SPRR2F: variants seen among roughly 807,000 people sequenced by gnomAD.
The protein encoded by SPRR2F is small proline rich protein 2F, also known as small proline-rich protein 2F.
Under a neutral mutation model 0.8 loss-of-function variants are expected in SPRR2F, and 2 were observed. The ratio of observed to expected loss-of-function variants is 2.52; its 90% confidence interval spans 1.03 to 7.95. SPRR2F has a LOEUF of 7.95. SPRR2F is among the 30% of genes most tolerant of loss of function. The pLI, the probability that SPRR2F is intolerant of heterozygous loss-of-function variation, is 0.04. For synonymous variants in SPRR2F, 39 were observed against 33.4 expected (o/e 1.17, Z -0.58); for missense variants, 80 against 85.8 (o/e 0.93, Z 0.27).
chr1:153,117,227 C>T (rs1228043985), upstream of SPRR2F, among the ~76,000 whole-genome samples: 1 of 151,944 alleles, frequency 6.6e-6, no homozygotes, highest in Non-Finnish European at 1.5e-5. Context: ...GACACTTACT[C>T]TTATGTGGTG....
At chr1:153,116,288 T>C (rs1655721499), upstream of SPRR2F, among the ~76,000 whole-genome samples, 1 of 152,212 alleles carries the variant, frequency 6.6e-6, no homozygotes, top group Admixed American at 6.5e-5. Flanking sequence ...AGTAAAAGCA[T>C]ATATAAAGCA....
At chr1:153,114,578 A>G (rs1271790920), upstream of SPRR2F, among the ~76,000 whole-genome samples, 1 of 152,210 alleles carries the variant, frequency 6.6e-6, no homozygotes, top group Non-Finnish European at 1.5e-5. Context: ...GGGGGAAAAT[A>G]CAAATTAAGT....
Position 153,112,229 on chromosome 1 carries a change from C to A in SPRR2F, c.*286G>T, listed in dbSNP as rs1380231802. ...AGACACAGAAAACATCAACAGAATTCTCTAATGGTTCCCAGGGAGAGAGCT... is the reference window on the plus strand; with the variant it reads ...AGACACAGAAAACATCAACAGAATTATCTAATGGTTCCCAGGGAGAGAGCT... On this transcript the variant is annotated 3_prime_UTR_variant, in exon 2 of 2. Coordinates refer to ENST00000468739, the MANE Select transcript of SPRR2F (RefSeq NM_001014450.3). 8.1e-6 allele frequency: 4 copies of A among 493,868 alleles called. No homozygotes were observed. The highest frequency in any genetic ancestry group is 5.1e-4 in the Middle Eastern group (1 of 1,944). 30.6% of individuals were successfully genotyped at this position (493,868 alleles called of 1,614,324 possible). A position where few individuals can be genotyped will look rare whatever the true frequency, so the allele number is the denominator to read the frequency against.
chr1:153,114,441 A>G (rs1307613346), upstream of SPRR2F, among the ~76,000 whole-genome samples: 4 of 152,190 alleles, frequency 2.6e-5, no homozygotes, highest in African/African-American at 9.7e-5. Context: ...GTATTGAACC[A>G]TGCCTATATG....
At chr1:153,115,843 C>T (rs1655713320), upstream of SPRR2F, among the ~76,000 whole-genome samples, 1 of 152,096 alleles carries the variant, frequency 6.6e-6, no homozygotes, top group Admixed American at 6.6e-5. Flanking sequence ...AGCCTTAGGT[C>T]CATTTCTCCT....
chr1:153,116,926 T>C (rs1035762178), upstream of SPRR2F, among the ~76,000 whole-genome samples: 4 of 152,164 alleles, frequency 2.6e-5, no homozygotes, highest in African/African-American at 9.6e-5. Context: ...CATTAAATTG[T>C]CAAAAGAAAA....
chr1:153,112,594 G>T lies in SPRR2F; in HGVS notation c.140C>A (p.Pro47His). The T allele has an allele frequency of 1.2e-6, 2 of 1,612,968 alleles. No individual in the cohort carries two copies. The highest frequency in any genetic ancestry group is 1.7e-6 in the Non-Finnish European group (2 of 1,179,852). The change falls in exon 2 of 2, where the codon CCT (proline) becomes CAT (histidine). Residue 47 changes from proline (P) to histidine (H), a missense_variant. Physicochemically the swap from Pro to His is moderately conservative, Grantham distance 77. Transcript: ENST00000468739. ...PPSKCPQSCP[P>H]QQCQQKCPPV... is the part of the protein sequence containing the mutation. ...AGGACATTTCTGCTGGCACTGCTGAGGTGGGCAGGACTGTGGACACTTTGA... is the reference window on the plus strand; with the variant it reads ...AGGACATTTCTGCTGGCACTGCTGATGTGGGCAGGACTGTGGACACTTTGA...
upstream of SPRR2F, among the ~76,000 whole-genome samples, chr1:153,115,140 A>G (rs548267279): frequency 2.0e-5 from 3 of 152,250 alleles, no homozygotes; most frequent in East Asian, 5.8e-4. Context: ...CAAGATCACT[A>G]CTGGCCAGGA....
chr1:153,113,081 G>C (rs964206046), intron 1 of SPRR2F, among the ~76,000 whole-genome samples: 6 of 152,066 alleles, frequency 3.9e-5, no homozygotes, highest in Admixed American at 1.3e-4. Context: ...AGCTATTCCT[G>C]TTATCATTAT....
upstream of SPRR2F, among the ~76,000 whole-genome samples, chr1:153,116,473 A>G (rs1276279011): frequency 6.6e-6 from 1 of 152,204 alleles, no homozygotes; most frequent in African/African-American, 2.4e-5. Context: ...TTCTGCTTTG[A>G]AAAGCTAACA....
upstream of SPRR2F, among the ~76,000 whole-genome samples, chr1:153,114,262 C>A (rs983040845): frequency 4.6e-5 from 7 of 152,160 alleles, no homozygotes; most frequent in African/African-American, 1.7e-4. Flanking sequence ...GCAATTGTCA[C>A]CTGGGACAGA....
At chr1:153,113,749 A>G (rs1206562815), upstream of SPRR2F, among the ~76,000 whole-genome samples, 1 of 152,138 alleles carries the variant, frequency 6.6e-6, no homozygotes, top group Admixed American at 6.5e-5. Flanking sequence ...TCAGTGACCT[A>G]TGGCAAAGAG....
upstream of SPRR2F, among the ~76,000 whole-genome samples, chr1:153,114,318 C>A (rs1490733619): frequency 2.0e-5 from 3 of 152,072 alleles, no homozygotes; most frequent in Admixed American, 1.3e-4. Flanking sequence ...CTACTTGCTG[C>A]CATTAAGGAT....
the SPRR2F span, among the ~76,000 whole-genome samples, chr1:153,119,144 A>T: frequency 6.6e-6 from 1 of 152,206 alleles, no homozygotes; most frequent in Admixed American, 6.5e-5. Context: ...TTCTACAAGG[A>T]TCAACTGAAC....
upstream of SPRR2F, chr1:153,113,655 C>G (rs1655651082): frequency 6.6e-6 from 1 of 152,206 alleles, no homozygotes; most frequent in African/African-American, 2.4e-5. Flanking sequence ...CAGTGATTAT[C>G]AAACTAGGAA....
At chr1:153,115,198 T>C (rs1194545206), upstream of SPRR2F, among the ~76,000 whole-genome samples, 2 of 152,160 alleles carry the variant, frequency 1.3e-5, no homozygotes, top group African/African-American at 2.4e-5. Flanking sequence ...GCCAGGTATT[T>C]ACAAATGGTG....
At chr1:153,116,746 T>C (rs887563355), upstream of SPRR2F, among the ~76,000 whole-genome samples, 8 of 152,004 alleles carry the variant, frequency 5.3e-5, no homozygotes, top group African/African-American at 1.4e-4. Flanking sequence ...TTCACCAAAA[T>C]TGAGAGATCA....
chr1:153,114,334 C>T (rs1203456093), upstream of SPRR2F, among the ~76,000 whole-genome samples: 1 of 152,134 alleles, frequency 6.6e-6, no homozygotes, highest in East Asian at 1.9e-4. Context: ...AGGATGTATA[C>T]TAGCGCCTTT....
chr1:153,116,708 C>T (rs1197462657), upstream of SPRR2F, among the ~76,000 whole-genome samples: 1 of 151,960 alleles, frequency 6.6e-6, no homozygotes, highest in Non-Finnish European at 1.5e-5. Flanking sequence ...CCATAGGCAC[C>T]CAATAGCCAT....
Sources: gnomAD v4.1 joint callset for allele counts (sites outside exome capture counted in the v4.1 genomes callset) on GRCh38, gnomAD v4.1.1 for gene constraint, MANE v1.5 for transcripts, NCBI Gene and HGNC (gene_info 2026-07-23, HGNC 2026-07-21) for gene names.